GAN: variants seen among roughly 807,000 people sequenced by gnomAD.
GAN encodes gigaxonin, also known as epididymis secretory sperm binding protein.
Under a neutral mutation model 71.3 loss-of-function variants are expected in GAN, and 48 were observed. That is an observed-to-expected ratio of 0.67 (90% CI 0.53 to 0.86). The LOEUF (loss-of-function observed/expected upper bound fraction) is 0.86, where lower values mean the gene tolerates loss of function less well. GAN is among the 40% of genes least tolerant of loss of function. The pLI is 0.00. For synonymous variants in GAN, 386 were observed against 276.8 expected (o/e 1.39, Z -3.92); for missense variants, 928 against 770.1 (o/e 1.21, Z -2.43).
intron 1 of GAN, among the ~76,000 whole-genome samples, chr16:81,335,982 C>G (rs979224159): frequency 2.6e-5 from 4 of 152,188 alleles, no homozygotes; most frequent in East Asian, 1.9e-4. Context: ...GCCCTTTGCT[C>G]TCAGTGCACC....
rs1321311273 is a variant in GAN at position 81,379,434 on chromosome 16, C to G, written c.*1838C>G. The G allele has an allele frequency of 6.6e-6, 1 of 152,090 alleles. No homozygotes were observed. Among genetic ancestry groups the G allele is most frequent in the Non-Finnish European group, 1.5e-5 (1 of 68,024 alleles). The allele number at this position is 152,090 out of a possible 1,614,324, so 9.4% of individuals were successfully genotyped here. A position where few individuals can be genotyped will look rare whatever the true frequency, so the allele number is the denominator to read the frequency against. On this transcript the variant is annotated 3_prime_UTR_variant, in exon 11 of 11. Transcript: ENST00000648994. Reference sequence around the variant, plus strand: ...GCCAGAGGCACCAGGCCAGATGTGCCGCACAGTCATGTAATTCAATCATGT... The same window carrying G: ...GCCAGAGGCACCAGGCCAGATGTGCGGCACAGTCATGTAATTCAATCATGT...
In GAN at chr16:81,365,099, AAAAG is replaced by A; in HGVS notation, c.1364_1367del (p.Lys455ArgfsTer33). 6.2e-7 allele frequency: 1 copy of A among 1,613,754 alleles called. No individual in the cohort carries two copies. ...AGCAGTGGACTGCCATATGTCCACT[AAAAG>A]AGAGGAGGTACGTGGCTGTGGGGTG... On this transcript the variant is annotated frameshift_variant, in exon 8 of 11. Transcript: ENST00000648994. LOFTEE classifies it high-confidence loss of function.
chr16:81,358,653 T>C (rs1910571404), intron 5 of GAN, among the ~76,000 whole-genome samples: 1 of 151,914 alleles, frequency 6.6e-6, no homozygotes, highest in Non-Finnish European at 1.5e-5. Flanking sequence ...CTTTAGGAAA[T>C]GCTACTTATA....
rs987042605 is a variant in GAN, at chr16:81,378,743, A to C, written c.*1147A>C. 1.4e-4 allele frequency: 21 copies of C among 152,620 alleles called. No individual in the cohort carries two copies. Among genetic ancestry groups the C allele is most frequent in the Non-Finnish European group, 2.8e-4 (19 of 68,028 alleles). The allele number at this position is 152,620 out of a possible 1,614,324, so 9.5% of individuals were successfully genotyped here. A position where few individuals can be genotyped will look rare whatever the true frequency, so the allele number is the denominator to read the frequency against. ...TTGGCTGGTAGAATAAACTACCTCAACTTAATTTCATTCTGTTCATAGTAG... is the reference window on the plus strand; with the variant it reads ...TTGGCTGGTAGAATAAACTACCTCACCTTAATTTCATTCTGTTCATAGTAG... On this transcript the variant is annotated 3_prime_UTR_variant, in exon 11 of 11. Coordinates refer to ENST00000648994, the MANE Select transcript of GAN (RefSeq NM_022041.4).
At chr16:81,321,550 G>A (rs1288473688) in intron 1 of GAN, among the ~76,000 whole-genome samples, 5 of 152,210 alleles carry the variant, frequency 3.3e-5, no homozygotes, top group African/African-American at 9.6e-5. Flanking sequence ...TAAGCATCCA[G>A]TTTTCAAAAC....
At position 81,385,026 on chromosome 16, in the gene GAN, C is replaced by A. The variant is rs1025678089; in HGVS notation, c.*7430C>A. 2.1e-4 allele frequency: 33 copies of A among 154,382 alleles called. No individual in the cohort carries two copies. The highest frequency in any genetic ancestry group is 7.9e-4 in the African/African-American group (33 of 41,626). 9.6% of individuals were successfully genotyped at this position (154,382 alleles called of 1,614,324 possible). A position where few individuals can be genotyped will look rare whatever the true frequency, so the allele number is the denominator to read the frequency against. The stretch of plus-strand genomic sequence containing the variant: ...GTTATGCCCATTTCTAAAAGCCTGG[C>A]ATATTTGGTATAACTTAAGCACCAG... On this transcript the variant is annotated 3_prime_UTR_variant, in exon 11 of 11. Transcript: ENST00000648994.
intron 1 of GAN, among the ~76,000 whole-genome samples, chr16:81,342,341 C>T (rs1374008314): frequency 2.6e-5 from 4 of 152,184 alleles, no homozygotes; most frequent in African/African-American, 9.7e-5. Flanking sequence ...TTCTTCTTAG[C>T]ACCACATTGC....
At position 81,378,149 on chromosome 16, in the gene GAN, C is replaced by G. The variant is rs575581473; in HGVS notation, c.*553C>G. 6.1e-6 allele frequency: 1 copy of G among 163,868 alleles called. No individual in the cohort carries two copies. The highest frequency in any genetic ancestry group is 1.6e-4 in the South Asian group (1 of 6,206). The allele number at this position is 163,868 out of a possible 1,614,324, so 10.2% of individuals were successfully genotyped here. On this transcript the variant is annotated 3_prime_UTR_variant, in exon 11 of 11. Coordinates refer to ENST00000648994, the MANE Select transcript of GAN (RefSeq NM_022041.4). Reference sequence around the variant, plus strand: ...TTAGTCTCCATTTATTCCTAGTACTCTGTCCTAAGAATCTTTTTAAAACTA... The same window carrying G: ...TTAGTCTCCATTTATTCCTAGTACTGTGTCCTAAGAATCTTTTTAAAACTA...
chr16:81,326,457 C>T (rs556093087), intron 1 of GAN, among the ~76,000 whole-genome samples: 21 of 152,182 alleles, frequency 1.4e-4, no homozygotes, highest in Non-Finnish European at 2.4e-4. Flanking sequence ...TGTTTGAACC[C>T]GGGAGGCGGA....
At chr16:81,317,337 T>C (rs1433992975) in intron 1 of GAN, among the ~76,000 whole-genome samples, 2 of 152,256 alleles carry the variant, frequency 1.3e-5, no homozygotes, top group Non-Finnish European at 2.9e-5. Context: ...AGAAACGCAC[T>C]GGATTCAGAG....
chr16:81,347,661 G>A (rs1324202675), intron 1 of GAN, among the ~76,000 whole-genome samples: 2 of 152,142 alleles, frequency 1.3e-5, no homozygotes, highest in Non-Finnish European at 2.9e-5. Context: ...TAGTTTGGCT[G>A]GTTATAAAAA....
At chr16:81,316,194 TAAAAG>T (rs1389315331) in intron 1 of GAN, among the ~76,000 whole-genome samples, 1 of 151,974 alleles carries the variant, frequency 6.6e-6, no homozygotes, top group Non-Finnish European at 1.5e-5. Flanking sequence ...GCTGTTTTAA[TAAAAG>T]GAAAGGGGGG....
intron 9 of GAN, among the ~76,000 whole-genome samples, chr16:81,375,730 C>T (rs886366699): frequency 4.6e-5 from 7 of 151,948 alleles, no homozygotes; most frequent in African/African-American, 1.7e-4. Context: ...CTTTAGGAGG[C>T]CAAGACAGAA....
At position 81,315,117 on chromosome 16, in the gene GAN, G is replaced by A. The variant is rs1206106380; in HGVS notation, c.4G>A (p.Ala2Thr). 5 of 1,501,374 alleles carry A rather than the reference G, an allele frequency of 3.3e-6. No homozygotes were observed. The highest frequency in any genetic ancestry group is 2.9e-5 in the East Asian group (1 of 35,012). 93.0% of individuals were successfully genotyped at this position (1,501,374 alleles called of 1,614,324 possible). Residue 2 changes from alanine (A) to threonine (T), a missense_variant, in exon 1 of 11, where the codon GCT becomes ACT. Physicochemically the swap from Ala to Thr is moderately conservative, Grantham distance 58 (BLOSUM62 0). Coordinates refer to ENST00000648994, the MANE Select transcript of GAN (RefSeq NM_022041.4). Reference sequence around the variant, plus strand: ...CGGCAGAGGAGCGGGCGCCGCGATGGCTGAGGGCAGTGCCGTGTCTGACCC... The same window carrying A: ...CGGCAGAGGAGCGGGCGCCGCGATGACTGAGGGCAGTGCCGTGTCTGACCC... MAEGSAVSDPQH... is the reference protein window; with the variant it reads MTEGSAVSDPQH...
chr16:81,372,302 A>C (rs1329372538), intron 9 of GAN, among the ~76,000 whole-genome samples: 1 of 152,198 alleles, frequency 6.6e-6, no homozygotes, highest in Non-Finnish European at 1.5e-5. Flanking sequence ...GATACCTTGT[A>C]AGTACTAGAA....
intron 1 of GAN, among the ~76,000 whole-genome samples, chr16:81,331,696 A>G (rs1245322735): frequency 1.3e-5 from 2 of 152,184 alleles, no homozygotes; most frequent in African/African-American, 4.8e-5. Flanking sequence ...AGCTTTGCCA[A>G]ACTCCTTGCA....
At chr16:81,350,686 T>C (rs1346679060) in intron 1 of GAN, among the ~76,000 whole-genome samples, 1 of 151,934 alleles carries the variant, frequency 6.6e-6, no homozygotes, top group East Asian at 1.9e-4. Flanking sequence ...TCCCAGTCGA[T>C]GTTTGCATTT....
intron 1 of GAN, among the ~76,000 whole-genome samples, chr16:81,322,908 C>A (rs1422184997): frequency 6.6e-6 from 1 of 152,124 alleles, no homozygotes; most frequent in Admixed American, 6.5e-5. Context: ...TCTTTTCTAA[C>A]CCACAGAGAA....
Position 81,377,342 on chromosome 16 carries a change from A to G in GAN, c.1612+14A>G, listed in dbSNP as rs1041125485. 3.8e-6 allele frequency: 6 copies of G among 1,583,338 alleles called. No individual in the cohort carries two copies. The highest frequency in any genetic ancestry group is 2.7e-5 in the African/African-American group (2 of 74,306). On this transcript the variant is annotated intron_variant, in intron 10 of 10. Transcript: ENST00000648994. ...ATCTTGATACAGGTAAGAGTGTTAC[A>G]GTGATTTTCTTGGAACTGTTTCCTG... is the stretch of plus-strand genomic sequence containing the variant.
Sources: gnomAD v4.1 joint callset for allele counts (sites outside exome capture counted in the v4.1 genomes callset) on GRCh38, gnomAD v4.1.1 for gene constraint, MANE v1.5 for transcripts, NCBI Gene and HGNC (gene_info 2026-07-23, HGNC 2026-07-21) for gene names.